WDR27: variants seen among roughly 807,000 people sequenced by gnomAD.
WDR27 encodes WD repeat-containing protein 27.
A neutral mutation model predicts 114.4 loss-of-function variants in WDR27; 100 were observed. The observed-to-expected ratio is 0.87, with a 90% CI of 0.74 to 1.03. The LOEUF (loss-of-function observed/expected upper bound fraction) is 1.03, where lower values mean the gene tolerates loss of function less well. WDR27 is among the 50% of genes least tolerant of loss of function. The pLI is 0.00. For synonymous variants in WDR27, 449 were observed against 423.1 expected, an observed-to-expected ratio of 1.06 and a Z score of -0.75; for missense variants, 1,129 against 1,092.9, an observed-to-expected ratio of 1.03 and a Z score of -0.47.
At chr6:169,481,081 G>T (rs1303878300) in intron 25 of WDR27, among the ~76,000 whole-genome samples, 1 of 149,102 alleles carries the variant, frequency 6.7e-6, no homozygotes, top group Non-Finnish European at 1.5e-5. Context: ...GTGACTTGGA[G>T]AACTTTTATG....
At chr6:169,574,387 C>T (rs907050073) in intron 24 of WDR27, among the ~76,000 whole-genome samples, 1 of 152,062 alleles carries the variant, frequency 6.6e-6, no homozygotes, top group African/African-American at 2.4e-5. Flanking sequence ...CTGAGAGGCT[C>T]AAAACTTTAG....
At chr6:169,433,861 A>G in the WDR27 span, among the ~76,000 whole-genome samples, 1 of 152,192 alleles carries the variant, frequency 6.6e-6, no homozygotes, top group Non-Finnish European at 1.5e-5. Flanking sequence ...GCTTTTGTTC[A>G]TATGTTTGTT....
rs1301247712 is a variant in WDR27, at chr6:169,688,935, A to G, written c.71T>C (p.Leu24Pro). 6.2e-7 allele frequency: 1 copy of G among 1,613,990 alleles called. No homozygotes were observed. The highest frequency in any genetic ancestry group is 2.2e-5 in the East Asian group (1 of 44,884). The change falls in exon 2 of 26, where the codon CTG becomes CCG. Residue 24 changes from leucine to proline, a missense_variant. Coordinates refer to ENST00000448612, the MANE Select transcript of WDR27 (RefSeq NM_182552.5). ...AGACACAGACTCCTTGGATTCAACC[A>G]GGTATTTTTCTATAACTATATCACT... ...CLSDIVIEKY[L>P]VESKESVSHV... is the part of the protein sequence containing the mutation.
Position 169,684,315 on chromosome 6 carries a change from C to G in WDR27, c.189+4502G>C, listed in dbSNP as rs551742676. ...CCAGCAGAGTTGCTAAACACCTGTG[C>G]TCAGGACCTGGGAAACACCCCTATG... On this transcript the variant is annotated intron_variant, in intron 2 of 25. Coordinates refer to ENST00000448612, the MANE Select transcript of WDR27 (RefSeq NM_182552.5). The surrounding 1 kb of genome is among the most constrained non-coding windows in gnomAD (Gnocchi z 4.3). 6.6e-6 allele frequency among the ~76,000 whole-genome samples: 1 copy of G among 152,258 alleles called. No homozygotes were observed. Among genetic ancestry groups the G allele is most frequent in the South Asian group, 2.1e-4 (1 of 4,820 alleles).
chr6:169,454,008 T>G (rs114676562), downstream of WDR27, among the ~76,000 whole-genome samples: 1,459 of 152,240 alleles, frequency 9.6e-3, 14 homozygotes, highest in African/African-American at 0.032. Flanking sequence ...GTTCTGAGAG[T>G]ATGTTAATGC....
intron 22 of WDR27, among the ~76,000 whole-genome samples, chr6:169,603,366 T>C (rs942900158): frequency 1.5e-4 from 23 of 152,126 alleles, no homozygotes; most frequent in African/African-American, 5.6e-4. Context: ...ATTTAATTCC[T>C]TTTTTCTTTT....
intron 24 of WDR27, among the ~76,000 whole-genome samples, chr6:169,573,980 G>A (rs1801859608): frequency 6.6e-6 from 1 of 152,284 alleles, no homozygotes; most frequent in South Asian, 2.1e-4. Flanking sequence ...TCTTGAATTT[G>A]TGTTCCCATC....
At chr6:169,576,265 G>A (rs1029320650) in intron 24 of WDR27, among the ~76,000 whole-genome samples, 3 of 152,224 alleles carry the variant, frequency 2.0e-5, no homozygotes, top group African/African-American at 7.2e-5. Flanking sequence ...ATGACCATGG[G>A]GTATGGGATG....
At chr6:169,450,521 T>A in the WDR27 span, among the ~76,000 whole-genome samples, 1 of 152,252 alleles carries the variant, frequency 6.6e-6, no homozygotes, top group African/African-American at 2.4e-5. Flanking sequence ...AGGGTGTGCC[T>A]CTCCCGTTTA....
the WDR27 span, among the ~76,000 whole-genome samples, chr6:169,435,055 C>T: frequency 6.6e-6 from 1 of 152,204 alleles, no homozygotes; most frequent in African/African-American, 2.4e-5. Flanking sequence ...GCTGCTCTAG[C>T]CATGGCTAAA....
intron 1 of WDR27, among the ~76,000 whole-genome samples, chr6:169,691,109 A>T (rs1784391104): frequency 1.3e-5 from 2 of 152,048 alleles, no homozygotes; most frequent in African/African-American, 4.8e-5. Flanking sequence ...CAGCTACTCA[A>T]GAGGCTGAGG....
chr6:169,574,456 A>G (rs1435508029), intron 24 of WDR27, among the ~76,000 whole-genome samples: 2 of 152,216 alleles, frequency 1.3e-5, no homozygotes, highest in Admixed American at 6.5e-5. Context: ...AACAAAAACA[A>G]GTCATGGAAT....
At chr6:169,647,548 CTG>C in intron 16 of WDR27, 1 of 617,286 alleles carries the variant, frequency 1.6e-6, no homozygotes, top group South Asian at 1.9e-5. Context: ...GTGCCAGTGT[CTG>C]TGCCCACGCA....
At chr6:169,624,636 T>A (rs73790062) in intron 21 of WDR27, among the ~76,000 whole-genome samples, 1,590 of 152,268 alleles carry the variant, frequency 0.01, 25 homozygotes, top group African/African-American at 0.036. Flanking sequence ...TAAAGAAAAC[T>A]TCATTAATTT....
Position 169,638,637 on chromosome 6 carries a change from C to T in WDR27, c.1771G>A (p.Val591Met), listed in dbSNP as rs200020810. ...CACCTCCGGTCCTGGCTCCAGCACA[C>T]GGCATTCACTGCCCCGTCGTGACCT... The part of the protein sequence containing the change: ...FSGHDGAVNA[V>M]CWSQDRRWLL... The change falls in exon 18 of 26, where the codon GTG becomes ATG. Residue 591 changes from valine to methionine, a missense_variant. Transcript: ENST00000448612. 2.4e-5 allele frequency: 38 copies of T among 1,605,396 alleles called. No homozygotes were observed. The highest frequency in any genetic ancestry group is 8.0e-5 in the African/African-American group (6 of 74,730).
chr6:169,643,596 T>C lies in WDR27; in HGVS notation c.1747+101A>G, dbSNP rs998497742. On this transcript the variant is annotated intron_variant, in intron 17 of 25. Coordinates refer to ENST00000448612, the MANE Select transcript of WDR27 (RefSeq NM_182552.5). ...TCAAGCCATGGCTTTGGTTTGCTGA[T>C]GTCCTGAAGGAAACAAAAGTGTCCT... 4.7e-5 allele frequency: 43 copies of C among 916,364 alleles called. No individual in the cohort carries two copies. The African/African-American group carries it at 6.2e-4, about 13-fold the overall frequency. 56.8% of individuals were successfully genotyped at this position (916,364 alleles called of 1,614,324 possible).
At chr6:169,573,342 T>G (rs1188043383) in intron 24 of WDR27, among the ~76,000 whole-genome samples, 2 of 152,136 alleles carry the variant, frequency 1.3e-5, no homozygotes, top group African/African-American at 4.8e-5. Flanking sequence ...ATATGAAAAG[T>G]TTTTATATCA....
chr6:169,656,447 C>T (rs753433265), intron 13 of WDR27, among the ~76,000 whole-genome samples: 4 of 152,078 alleles, frequency 2.6e-5, no homozygotes, highest in Non-Finnish European at 5.9e-5. Context: ...ACTTCTGCTG[C>T]TGTCAATTGT....
At chr6:169,678,683 G>A (rs1196350934) in intron 2 of WDR27, among the ~76,000 whole-genome samples, 1 of 152,144 alleles carries the variant, frequency 6.6e-6, no homozygotes, top group Admixed American at 6.5e-5. Flanking sequence ...ATTCTCAGCA[G>A]ATGAGTTTTA....
Sources: gnomAD v4.1 joint callset for allele counts (sites outside exome capture counted in the v4.1 genomes callset) on GRCh38, gnomAD v4.1.1 for gene constraint, Gnocchi (gnomAD v3.1) non-coding constraint, MANE v1.5 for transcripts, NCBI Gene and HGNC (gene_info 2026-07-23, HGNC 2026-07-21) for gene names.